Variants in IQCM observed in about 807,000 individuals in gnomAD.
IQCM encodes the protein IQ domain-containing protein M.
In IQCM, 45 loss-of-function variants were observed where a neutral mutation model predicts 57.6. The observed-to-expected ratio is 0.78, with a 90% confidence interval of 0.62 to 1.00. The LOEUF is 1.00. Ranked by LOEUF, IQCM falls within the 50% of genes least tolerant of loss-of-function variation. The pLI, the probability that IQCM is intolerant of heterozygous loss-of-function variation, is 0.00. For synonymous variants in IQCM, 148 were observed against 158.9 expected (o/e 0.93, Z 0.51); for missense variants, 468 against 511.6 (o/e 0.91, Z 0.82).
rs1365654070 is a variant in IQCM, at chr4:149,536,789, C to T, written c.1228+11666G>A. The stretch of plus-strand genomic sequence containing the variant: ...AGGAAGGTATCCATTAGTATGTTCT[C>T]ATGAATTTCCTTTCACTTTTTGATT... On this transcript the variant is annotated intron_variant, in intron 12 of 13. Transcript: ENST00000636793. 1.3e-5 allele frequency among the ~76,000 whole-genome samples: 2 copies of T among 151,994 alleles called. 1 individual carries two copies. Among genetic ancestry groups the T allele is most frequent in the Non-Finnish European group, 2.9e-5 (2 of 67,932 alleles).
chr4:149,467,715 T>C (rs1739008333), intron 12 of IQCM, among the ~76,000 whole-genome samples: 1 of 152,118 alleles, frequency 6.6e-6, no homozygotes, highest in South Asian at 2.1e-4. Flanking sequence ...TCCAGAAAAG[T>C]CTGTCTGATA....
chr4:149,385,209 C>T (rs551693001), intron 13 of IQCM, among the ~76,000 whole-genome samples: 10 of 152,156 alleles, frequency 6.6e-5, no homozygotes, highest in African/African-American at 2.4e-4. Context: ...TAGGCACCTA[C>T]CTATATTACT....
rs530856484 is a variant in IQCM at position 149,669,268 on chromosome 4, T to C, written c.565+12850A>G. ...TTTTTTTATGTGTCTGTTGGCTACA[T>C]AAATGTCCTCTTTCGAGAAGTGTCT... On this transcript the variant is annotated intron_variant, in intron 7 of 13. Coordinates refer to ENST00000636793, the MANE Select transcript of IQCM (RefSeq NM_001363507.2). Among the ~76,000 whole-genome samples the C allele has an allele frequency of 5.3e-4, 80 of 152,314 alleles. 1 individual carries two copies. In the South Asian group the frequency reaches 0.015, roughly 28 times the overall value.
At chr4:149,554,377 C>A (rs1156463404) in intron 10 of IQCM, among the ~76,000 whole-genome samples, 1 of 151,532 alleles carries the variant, frequency 6.6e-6, no homozygotes, top group Non-Finnish European at 1.5e-5. Context: ...GAGTCTCGGT[C>A]TGTTACTAGG....
intron 2 of IQCM, among the ~76,000 whole-genome samples, chr4:149,776,521 TGAAA>T (rs1370895044): frequency 6.6e-6 from 1 of 152,140 alleles, no homozygotes; most frequent in East Asian, 1.9e-4. Flanking sequence ...AATCACAACT[TGAAA>T]GAAACATGGT....
intron 2 of IQCM, among the ~76,000 whole-genome samples, chr4:149,759,798 T>G (rs935847572): frequency 2.0e-5 from 3 of 152,056 alleles, no homozygotes; most frequent in Non-Finnish European, 4.4e-5. Context: ...ATATGTTTAT[T>G]AAACCAAAAT....
At chr4:149,801,723 G>A (rs568488421) in intron 2 of IQCM, among the ~76,000 whole-genome samples, 2 of 151,788 alleles carry the variant, frequency 1.3e-5, no homozygotes, top group African/African-American at 4.8e-5. Flanking sequence ...GAGAGTAGAA[G>A]GATGATTACC....
intron 13 of IQCM, among the ~76,000 whole-genome samples, chr4:149,413,785 C>A (rs1240727746): frequency 1.3e-5 from 2 of 152,120 alleles, no homozygotes; most frequent in Non-Finnish European, 2.9e-5. Context: ...AATTTTGATA[C>A]CTCTGACTAT....
intron 2 of IQCM, among the ~76,000 whole-genome samples, chr4:149,804,979 T>C (rs531857117): frequency 2.6e-5 from 4 of 152,166 alleles, no homozygotes; most frequent in African/African-American, 9.6e-5. Context: ...GCCTCTAATC[T>C]TGAATGATGA....
chr4:149,522,846 A>C (rs926458004), intron 12 of IQCM, among the ~76,000 whole-genome samples: 1 of 152,220 alleles, frequency 6.6e-6, no homozygotes, highest in Non-Finnish European at 1.5e-5. Context: ...TGGGACTATA[A>C]GAAAATACAC....
At chr4:149,627,054 A>G (rs1205485960) in intron 7 of IQCM, among the ~76,000 whole-genome samples, 1 of 152,208 alleles carries the variant, frequency 6.6e-6, no homozygotes, top group Non-Finnish European at 1.5e-5. Context: ...CTCCAAGACA[A>G]CAACTAGGAA....
intron 2 of IQCM, among the ~76,000 whole-genome samples, chr4:149,791,619 T>C (rs77712792): frequency 0.022 from 3,388 of 152,300 alleles, 65 homozygotes; most frequent in South Asian, 0.036. Flanking sequence ...ACTATCATTC[T>C]ACTCTTACCT....
At chr4:149,481,711 T>TTTGTTTTTTG (rs1560896074) in intron 12 of IQCM, among the ~76,000 whole-genome samples, 20 of 137,854 alleles carry the variant, frequency 1.5e-4, no homozygotes, top group African/African-American at 2.4e-4. Flanking sequence ...GTTTTTTTTT[T>TTTGTTTTTTG]TTTTTTTTTT....
At chr4:149,418,810 T>C (rs1733930557) in intron 13 of IQCM, among the ~76,000 whole-genome samples, 1 of 152,134 alleles carries the variant, frequency 6.6e-6, no homozygotes, top group South Asian at 2.1e-4. Flanking sequence ...GGATACAAGA[T>C]GAATGTGCAA....
intron 2 of IQCM, among the ~76,000 whole-genome samples, chr4:149,751,324 T>C (rs1450474005): frequency 6.6e-6 from 1 of 152,112 alleles, no homozygotes; most frequent in Non-Finnish European, 1.5e-5. Flanking sequence ...CTGACTGAAC[T>C]CTCTTATTCT....
chr4:149,552,399 T>A (rs2149905928), intron 11 of IQCM, among the ~76,000 whole-genome samples: 1 of 152,290 alleles, frequency 6.6e-6, no homozygotes, highest in East Asian at 1.9e-4. Context: ...TATAACTTAC[T>A]TGTGTCATTT....
At chr4:149,787,405 C>A (rs1414403203) in intron 2 of IQCM, among the ~76,000 whole-genome samples, 1 of 152,054 alleles carries the variant, frequency 6.6e-6, no homozygotes, top group Non-Finnish European at 1.5e-5. Context: ...AATATCCAAG[C>A]TGGAGGCATC....
chr4:149,642,455 C>G (rs188913471), intron 7 of IQCM, among the ~76,000 whole-genome samples: 1 of 152,178 alleles, frequency 6.6e-6, no homozygotes. Context: ...AACTTTAAGG[C>G]AATGAAATAT....
At chr4:149,357,640 G>GT (rs748413874) in intron 13 of IQCM, among the ~76,000 whole-genome samples, 24 of 152,136 alleles carry the variant, frequency 1.6e-4, no homozygotes, top group South Asian at 8.3e-4. Flanking sequence ...TGCTGGATAC[G>GT]TTTTGCCAGT....
Sources: allele counts gnomAD v4.1 joint callset (sites outside exome capture counted in the v4.1 genomes callset), GRCh38; gene constraint gnomAD v4.1.1; transcripts MANE v1.5; gene names NCBI Gene and HGNC (gene_info 2026-07-23, HGNC 2026-07-21).